STS: variants seen among roughly 807,000 people sequenced by gnomAD.
STS encodes steroid sulfatase.
Under a neutral mutation model 26.8 loss-of-function variants are expected in STS, and 7 were observed. That is an observed-to-expected ratio of 0.26 (90% CI 0.15 to 0.49). The LOEUF (loss-of-function observed/expected upper bound fraction) is 0.49. STS is among the 20% of genes least tolerant of loss of function. The probability of loss-of-function intolerance (pLI) is 0.98; values close to 1 mark genes in which losing one functional copy is unlikely to be tolerated. For synonymous variants in STS, 199 were observed against 189.4 expected (o/e 1.05, Z -0.42); for missense variants, 434 against 465.6 (o/e 0.93, Z 0.63).
chrX:7,234,514 G>A (rs1922223502), intron 2 of STS, among the ~76,000 whole-genome samples: 1 of 112,163 alleles, frequency 8.9e-6, no homozygotes, highest in African/African-American at 3.2e-5. Flanking sequence ...GTAGGGCTGG[G>A]ACAGAGACTA....
intron 2 of STS, among the ~76,000 whole-genome samples, chrX:7,252,837 G>C (rs1367498556): frequency 1.8e-5 from 2 of 111,595 alleles, no homozygotes; most frequent in Admixed American, 1.9e-4. Flanking sequence ...GTTTTGAAAG[G>C]TTTCTGTGTT....
intron 7 of STS, among the ~76,000 whole-genome samples, chrX:7,303,836 A>C (rs1926090261): frequency 9.0e-6 from 1 of 111,601 alleles, no homozygotes; most frequent in African/African-American, 3.3e-5. Context: ...TTCTTGCAGA[A>C]AATTATAAGC....
chrX:7,215,354 A>G (rs767737086), intron 2 of STS, among the ~76,000 whole-genome samples: 4 of 109,794 alleles, frequency 3.6e-5, no homozygotes, highest in East Asian at 2.9e-4. Flanking sequence ...GTTCCATTCA[A>G]TGCTCCCCCT....
intron 10 of STS, among the ~76,000 whole-genome samples, chrX:7,345,449 G>A (rs984141061): frequency 3.6e-5 from 4 of 111,466 alleles, no homozygotes; most frequent in Non-Finnish European, 5.6e-5. Flanking sequence ...ATGGGTCCAG[G>A]TGCTGGGGTG....
intron 8 of STS, among the ~76,000 whole-genome samples, chrX:7,324,053 C>G (rs1249612457): frequency 3.6e-5 from 4 of 111,269 alleles, no homozygotes; most frequent in Non-Finnish European, 7.5e-5. Context: ...GAATATGTAC[C>G]TAAGTTGTTC....
At chrX:7,195,326 A>G (rs1358656544) in intron 2 of STS, among the ~76,000 whole-genome samples, 1 of 112,018 alleles carries the variant, frequency 8.9e-6, no homozygotes, top group East Asian at 2.8e-4. Context: ...TACAATCTCT[A>G]GAGTTGTCTC....
intron 8 of STS, among the ~76,000 whole-genome samples, chrX:7,314,618 T>A (rs1926630156): frequency 8.8e-6 from 1 of 113,128 alleles, no homozygotes. Context: ...TGGCTTCAGT[T>A]GACAAAATGT....
Position 7,269,150 on chromosome X carries a change from CTG to C in STS, c.807-6800_807-6799del, listed in dbSNP as rs1329307312. Among the ~76,000 whole-genome samples, 25 of 97,360 alleles carry C rather than the reference CTG, an allele frequency of 2.6e-4. 1 individual carries two copies. The highest frequency in any genetic ancestry group is 9.5e-4 in the African/African-American group (25 of 26,246). The allele number at this position is 97,360 out of a possible 115,157, so 84.5% of individuals were successfully genotyped here. On this transcript the variant is annotated intron_variant, in intron 6 of 10. Transcript: ENST00000674429. ...TGCACAACAGAGCAAGACCCTGTCT[CTG>C]AAAAAAAAAAAGGAGGGGAGGGCTT...
intron 2 of STS, among the ~76,000 whole-genome samples, chrX:7,228,286 G>T (rs1921906528): frequency 9.0e-6 from 1 of 111,433 alleles, no homozygotes; most frequent in Non-Finnish European, 1.9e-5. Context: ...TTTTTAATTT[G>T]TCAAGGAAAT....
intron 1 of STS, among the ~76,000 whole-genome samples, chrX:7,171,601 G>A (rs113015982): frequency 3.8e-4 from 43 of 112,035 alleles, no homozygotes; most frequent in Middle Eastern, 4.6e-3. Context: ...GCACCCAGCC[G>A]ATAAATGATG....
chrX:7,192,013 A>G (rs1362585121), intron 2 of STS, among the ~76,000 whole-genome samples: 2 of 112,567 alleles, frequency 1.8e-5, no homozygotes, highest in East Asian at 2.8e-4. Context: ...TGTCTGGACC[A>G]CTATGGCACT....
At chrX:7,158,727 G>A (rs1469267186) in intron 1 of STS, among the ~76,000 whole-genome samples, 1 of 111,519 alleles carries the variant, frequency 9.0e-6, no homozygotes, top group Non-Finnish European at 1.9e-5. Context: ...AGAAAGGGAA[G>A]TCTTACTCTG....
At chrX:7,149,024 T>C (rs1310833011) in intron 1 of STS, among the ~76,000 whole-genome samples, 4 of 110,903 alleles carry the variant, frequency 3.6e-5, no homozygotes, top group Non-Finnish European at 7.5e-5. Flanking sequence ...GTTTATGTGG[T>C]ATATTCACGT....
intron 6 of STS, among the ~76,000 whole-genome samples, chrX:7,268,231 C>G (rs1347771962): frequency 8.9e-6 from 1 of 112,320 alleles, no homozygotes; most frequent in East Asian, 2.8e-4. Flanking sequence ...ACAAGCATTG[C>G]TTGTGTAATC....
At chrX:7,208,705 A>C (rs1330670306) in intron 2 of STS, among the ~76,000 whole-genome samples, 1 of 110,688 alleles carries the variant, frequency 9.0e-6, no homozygotes, top group Non-Finnish European at 1.9e-5. Flanking sequence ...ATTTCCAAAC[A>C]CTGCTATAAC....
In STS at chrX:7,334,040, C is replaced by T. The variant is rs764233740; in HGVS notation, c.1296C>T (p.Ser432=). 5.0e-6 allele frequency: 6 copies of T among 1,209,463 alleles called. No homozygotes were observed. Among genetic ancestry groups the T allele is most frequent in the Non-Finnish European group, 5.6e-6 (5 of 894,967 alleles). Residue 432 remains serine, a synonymous_variant, in exon 10 of 11, where the codon TCC becomes TCT. Transcript: ENST00000674429. The part of the protein sequence containing the change: ...MPLLEGKSQR[S]DHEFLFHYCN... ...TGCTTGAAGGAAAAAGCCAACGCTC[C>T]GATCATGAGTTTCTCTTCCATTACT...
intron 2 of STS, among the ~76,000 whole-genome samples, chrX:7,231,959 A>G (rs1040688127): frequency 7.3e-5 from 8 of 109,642 alleles, no homozygotes; most frequent in Non-Finnish European, 1.3e-4. Flanking sequence ...TGCTCTTTTC[A>G]TAGCCTATAA....
chrX:7,279,309 A>ATGTGTG (rs1445992524), intron 7 of STS, among the ~76,000 whole-genome samples: 58 of 34,259 alleles, frequency 1.7e-3, no homozygotes, highest in African/African-American at 4.4e-3. Context: ...ATATATATAT[A>ATGTGTG]TATGTGTGTG....
chrX:7,345,343 T>C (rs1339378721), intron 10 of STS, among the ~76,000 whole-genome samples: 1 of 111,861 alleles, frequency 8.9e-6, no homozygotes, highest in African/African-American at 3.3e-5. Context: ...TGTGCATTCA[T>C]CTAAAGATAT....
Sources: allele counts gnomAD v4.1 joint callset (sites outside exome capture counted in the v4.1 genomes callset), GRCh38; gene constraint gnomAD v4.1.1; transcripts MANE v1.5; gene names NCBI Gene and HGNC (gene_info 2026-07-23, HGNC 2026-07-21).